SHANK2: variants seen among roughly 807,000 people sequenced by gnomAD.
SHANK2 encodes the protein SH3 and multiple ankyrin repeat domains protein 2.
In SHANK2, 43 loss-of-function variants were observed where a neutral mutation model predicts 133.7. The observed-to-expected ratio is 0.32, with a 90% CI of 0.25 to 0.41. The LOEUF (loss-of-function observed/expected upper bound fraction) is 0.41. SHANK2 is among the 10% of genes least tolerant of loss of function. The pLI, the probability that SHANK2 is intolerant of heterozygous loss-of-function variation, is 1.00. For missense variants in SHANK2, 1,994 were observed against 2,235.8 expected, an observed-to-expected ratio of 0.89 and a Z score of 2.18; for synonymous variants, 1,017 against 952.8, an observed-to-expected ratio of 1.07 and a Z score of -1.24.
At chr11:70,671,728 G>A (rs939892680) in intron 15 of SHANK2, among the ~76,000 whole-genome samples, 2 of 152,280 alleles carry the variant, frequency 1.3e-5, no homozygotes, top group South Asian at 2.1e-4. Context: ...AGAGGTGGGC[G>A]GGTCTCTGCA....
At chr11:71,214,633 C>A (rs1954363492) in intron 2 of SHANK2, among the ~76,000 whole-genome samples, 1 of 152,204 alleles carries the variant, frequency 6.6e-6, no homozygotes, top group Admixed American at 6.5e-5. Flanking sequence ...CAAGTCTGGC[C>A]AGAAGCTAAC....
chr11:71,211,499 C>T (rs996720575), intron 2 of SHANK2, among the ~76,000 whole-genome samples: 1 of 151,952 alleles, frequency 6.6e-6, no homozygotes, highest in Non-Finnish European at 1.5e-5. Flanking sequence ...GGTTGTGCCA[C>T]TGCCCTCCAG....
chr11:71,231,253 G>A (rs189126387), intron 1 of SHANK2, among the ~76,000 whole-genome samples: 4 of 152,214 alleles, frequency 2.6e-5, no homozygotes, highest in Admixed American at 1.3e-4. Context: ...ACTTAAAAGA[G>A]CAAAAGATAG....
chr11:71,148,610 G>A (rs1280472575), intron 2 of SHANK2, among the ~76,000 whole-genome samples: 1 of 152,192 alleles, frequency 6.6e-6, no homozygotes, highest in Non-Finnish European at 1.5e-5. Context: ...ACGTGCATAT[G>A]GAAAGGCATA....
chr11:70,935,933 T>C (rs1950565168), intron 10 of SHANK2, among the ~76,000 whole-genome samples: 1 of 152,192 alleles, frequency 6.6e-6, no homozygotes, highest in African/African-American at 2.4e-5. Flanking sequence ...TGAACAGCCT[T>C]GGGTTCACAC....
chr11:70,601,235 T>C (rs558518156), intron 17 of SHANK2, among the ~76,000 whole-genome samples: 130 of 151,750 alleles, frequency 8.6e-4, no homozygotes, highest in African/African-American at 3.0e-3. Flanking sequence ...TTTTTCTTTT[T>C]TTTGAGACAG....
chr11:70,600,068 T>A (rs2060471938), intron 17 of SHANK2, among the ~76,000 whole-genome samples: 1 of 152,098 alleles, frequency 6.6e-6, no homozygotes. Context: ...CTAACCAAAA[T>A]CCCAATAGGG....
rs782101059 is a variant in SHANK2 at position 70,659,915 on chromosome 11, A to T, written c.1974T>A (p.Ala658=). ...ACTCCAGGTACTGTAGGGCTGGGAAAGCCGGTGTTGGTGTGAATTCTTCAA... is the reference window on the plus strand; with the variant it reads ...ACTCCAGGTACTGTAGGGCTGGGAATGCCGGTGTTGGTGTGAATTCTTCAA... ...TPIEEFTPTP[A]FPALQYLESV... The change falls in exon 17 of 26, where the codon GCT becomes GCA. Residue 658 remains alanine (A), a synonymous_variant. Transcript: ENST00000601538. 6.2e-7 allele frequency: 1 copy of T among 1,614,206 alleles called. No individual in the cohort carries two copies. Among genetic ancestry groups the T allele is most frequent in the Non-Finnish European group, 8.5e-7 (1 of 1,180,040 alleles).
Position 70,820,446 on chromosome 11 carries a change from G to A in SHANK2, c.1411C>T (p.Pro471Ser), listed in dbSNP as rs782090467. ...TTGAGCGATGGGGACCGGCTGCGGG[G>A]CCCGGGCACGTAGCTCCCAATGGTC... ...AKTIGSYVPG[P>S]RSRSPSLNRL... is the part of the protein sequence containing the mutation. The change falls in exon 12 of 26, where the codon CCC becomes TCC. Residue 471 changes from proline (P) to serine (S), a missense_variant. By Grantham distance (74) the Pro-to-Ser change is moderately conservative. Coordinates refer to ENST00000601538, the MANE Select transcript of SHANK2 (RefSeq NM_012309.5). 1.4e-6 allele frequency: 1 copy of A among 713,220 alleles called. No homozygotes were observed. Among genetic ancestry groups the A allele is most frequent in the Admixed American group, 2.0e-5 (1 of 49,886 alleles). The allele number at this position is 713,220 out of a possible 1,614,324, so 44.2% of individuals were successfully genotyped here. A position where few individuals can be genotyped will look rare whatever the true frequency, so the allele number is the denominator to read the frequency against.
intron 14 of SHANK2, among the ~76,000 whole-genome samples, chr11:70,702,379 C>A (rs1555023957): frequency 6.6e-6 from 1 of 150,428 alleles, no homozygotes; most frequent in African/African-American, 2.4e-5. Flanking sequence ...ACCACCAACA[C>A]CACCACCATC....
chr11:70,705,023 A>C (rs1945629276), intron 14 of SHANK2: 1 of 152,216 alleles, frequency 6.6e-6, no homozygotes, highest in Admixed American at 6.5e-5. Flanking sequence ...TGGCCACCAA[A>C]ACATTTGAGA....
intron 2 of SHANK2, among the ~76,000 whole-genome samples, chr11:71,194,172 A>T (rs563111331): frequency 6.6e-6 from 1 of 152,192 alleles, no homozygotes; most frequent in South Asian, 2.1e-4. Flanking sequence ...TATTCGGGTA[A>T]CCCAGGGAAA....
intron 8 of SHANK2, among the ~76,000 whole-genome samples, chr11:71,079,195 C>A: frequency 6.6e-6 from 1 of 152,346 alleles, no homozygotes; most frequent in Middle Eastern, 3.4e-3. Flanking sequence ...GATCCCATCA[C>A]GAGCAAACAC....
intron 17 of SHANK2, among the ~76,000 whole-genome samples, chr11:70,550,205 G>T (rs2059747388): frequency 6.6e-6 from 1 of 152,146 alleles, no homozygotes; most frequent in Admixed American, 6.5e-5. Flanking sequence ...GTGTTCTGCT[G>T]CAGACCCACT....
At chr11:70,734,616 C>G (rs545954507) in intron 14 of SHANK2, among the ~76,000 whole-genome samples, 3 of 152,294 alleles carry the variant, frequency 2.0e-5, no homozygotes, top group Admixed American at 6.5e-5. Context: ...CCAGCCAGGG[C>G]CCCCCGACCA....
At chr11:70,707,095 G>A (rs748718369) in intron 14 of SHANK2, among the ~76,000 whole-genome samples, 7 of 152,284 alleles carry the variant, frequency 4.6e-5, no homozygotes, top group African/African-American at 1.4e-4. Flanking sequence ...GGTGGGGCAA[G>A]GTGTGGTGGC....
chr11:71,141,686 C>T (rs74709694), intron 3 of SHANK2, among the ~76,000 whole-genome samples: 3,531 of 152,188 alleles, frequency 0.023, 139 homozygotes, highest in African/African-American at 0.081. Flanking sequence ...TGGGCTAATA[C>T]AATGTCTCAG....
intron 17 of SHANK2, among the ~76,000 whole-genome samples, chr11:70,629,263 C>T (rs1188266179): frequency 2.0e-5 from 3 of 152,188 alleles, no homozygotes; most frequent in Non-Finnish European, 2.9e-5. Flanking sequence ...CCAACTAAAA[C>T]ACACCACCCA....
chr11:70,616,419 G>T (rs1554995962), intron 17 of SHANK2, among the ~76,000 whole-genome samples: 1 of 152,142 alleles, frequency 6.6e-6, no homozygotes, highest in African/African-American at 2.4e-5. Context: ...AATGAGATCA[G>T]AGGGTGAGCT....
Sources: allele counts gnomAD v4.1 joint callset (sites outside exome capture counted in the v4.1 genomes callset), GRCh38; gene constraint gnomAD v4.1.1; transcripts MANE v1.5; gene names NCBI Gene and HGNC (gene_info 2026-07-23, HGNC 2026-07-21).